Variants in FGF12 observed in about 807,000 individuals in gnomAD.
FGF12 encodes the protein fibroblast growth factor 12.
Under a neutral mutation model 23.6 loss-of-function variants are expected in FGF12, and 14 were observed. The ratio of observed to expected loss-of-function variants is 0.59; its 90% CI spans 0.39 to 0.93. FGF12 has a LOEUF of 0.93. FGF12 is among the 40% of genes least tolerant of loss of function. The pLI, the probability that FGF12 is intolerant of heterozygous loss-of-function variation, is 0.00. For synonymous variants in FGF12, 62 were observed against 77.3 expected (o/e 0.80, Z 1.04); for missense variants, 175 against 217.8 (o/e 0.80, Z 1.24).
chr3:192,715,822 C>T (rs754037876), intron 2 of FGF12, among the ~76,000 whole-genome samples: 4 of 152,164 alleles, frequency 2.6e-5, no homozygotes, highest in Non-Finnish European at 4.4e-5. Context: ...TCATGTCTAG[C>T]CCCAGTAACA....
chr3:192,290,182 T>C (rs1714680552), intron 4 of FGF12, among the ~76,000 whole-genome samples: 1 of 152,180 alleles, frequency 6.6e-6, no homozygotes, highest in Non-Finnish European at 1.5e-5. Context: ...ATTACTACGA[T>C]AGTAAACTTC....
chr3:192,659,622 C>T (rs1319890450), intron 2 of FGF12, among the ~76,000 whole-genome samples: 1 of 152,120 alleles, frequency 6.6e-6, no homozygotes, highest in Non-Finnish European at 1.5e-5. Flanking sequence ...TAGTGGATTA[C>T]CCTTATAGAA....
intron 2 of FGF12, among the ~76,000 whole-genome samples, chr3:192,376,340 TTTTATTTA>T (rs146551278): frequency 1.3e-5 from 2 of 149,380 alleles, no homozygotes; most frequent in Non-Finnish European, 3.0e-5. Context: ...ATTAATTTAA[TTTTATTTA>T]TTTATTTATT....
chr3:192,405,285 C>T (rs1411666343), intron 2 of FGF12, among the ~76,000 whole-genome samples: 1 of 151,072 alleles, frequency 6.6e-6, no homozygotes, highest in African/African-American at 2.5e-5. Context: ...TTTCAGGATC[C>T]CCACTGTATT....
chr3:192,253,576 T>G (rs1712177912), intron 4 of FGF12, among the ~76,000 whole-genome samples: 2 of 152,096 alleles, frequency 1.3e-5, no homozygotes, highest in Non-Finnish European at 2.9e-5. Flanking sequence ...TGTCCAGAAT[T>G]ACAGAATTAT....
chr3:192,515,322 C>T (rs1724632568), intron 2 of FGF12: 1 of 152,372 alleles, frequency 6.6e-6, no homozygotes, highest in Non-Finnish European at 1.5e-5. Context: ...AGGGCTGGAC[C>T]CCGGAGGCTG....
intron 4 of FGF12, among the ~76,000 whole-genome samples, chr3:192,200,395 G>A (rs1717304090): frequency 6.6e-6 from 1 of 151,890 alleles, no homozygotes; most frequent in African/African-American, 2.4e-5. Context: ...ATAATAAAAT[G>A]AGAATGCCAA....
intron 4 of FGF12, among the ~76,000 whole-genome samples, chr3:192,209,743 A>G (rs1028657921): frequency 6.6e-6 from 1 of 152,256 alleles, no homozygotes; most frequent in African/African-American, 2.4e-5. Context: ...GTAATAAAGC[A>G]GAAGGACTTC....
intron 2 of FGF12, among the ~76,000 whole-genome samples, chr3:192,615,823 T>C (rs1172798826): frequency 6.6e-6 from 1 of 152,034 alleles, no homozygotes; most frequent in African/African-American, 2.4e-5. Flanking sequence ...TGGAAATTTA[T>C]GCCAGGTGAT....
intron 4 of FGF12, among the ~76,000 whole-genome samples, chr3:192,282,376 C>A (rs998935176): frequency 6.6e-6 from 1 of 152,032 alleles, no homozygotes; most frequent in Non-Finnish European, 1.5e-5. Context: ...ACACAACATG[C>A]CCCCTTATTA....
At chr3:192,330,919 G>A (rs1717080984) in intron 4 of FGF12, among the ~76,000 whole-genome samples, 1 of 151,994 alleles carries the variant, frequency 6.6e-6, no homozygotes, top group Admixed American at 6.6e-5. Flanking sequence ...TGAGAAGGTA[G>A]CCTACAGAAT....
chr3:192,692,709 CTA>C (rs1717981575), intron 2 of FGF12, among the ~76,000 whole-genome samples: 1 of 126,068 alleles, frequency 7.9e-6, no homozygotes. Context: ...CAGACCCTGT[CTA>C]AAAAAAAAAA....
Position 192,408,083 on chromosome 3 carries a change from C to G in FGF12, c.14-47545G>C. The G allele has an allele frequency of 6.2e-7, 1 of 1,613,200 alleles. No individual in the cohort carries two copies. The highest frequency in any genetic ancestry group is 1.1e-5 in the South Asian group (1 of 91,078). On this transcript the variant is annotated intron_variant, in intron 2 of 5. Transcript: ENST00000445105. The surrounding 1 kb of genome is among the most constrained non-coding windows in gnomAD (Gnocchi z 7.3). ...TGCAGAAGCGCACTTTGCTGAACAC[C>G]CCGAGGACGTGCCTCTCGCACAGGG...
intron 2 of FGF12, among the ~76,000 whole-genome samples, chr3:192,400,091 A>C (rs1720694225): frequency 6.6e-6 from 1 of 152,164 alleles, no homozygotes; most frequent in Non-Finnish European, 1.5e-5. Context: ...CAAATGCAAA[A>C]CCATCAGTCC....
Position 192,264,177 on chromosome 3 carries a change from C to T in FGF12, c.228+71184G>A, listed in dbSNP as rs185485945. ...TATTCCGATTTGTTTTCATATATCACCATAACTATATAGCACATCCAGAAA... is the reference window on the plus strand; with the variant it reads ...TATTCCGATTTGTTTTCATATATCATCATAACTATATAGCACATCCAGAAA... On this transcript the variant is annotated intron_variant, in intron 4 of 5. Coordinates refer to ENST00000445105, the MANE Select transcript of FGF12 (RefSeq NM_004113.6). Among the ~76,000 whole-genome samples, 452 of 152,094 alleles carry T rather than the reference C, an allele frequency of 3.0e-3. 4 individuals are homozygous for T. The highest frequency in any genetic ancestry group is 0.017 in the Middle Eastern group (5 of 294).
chr3:192,391,807 ATG>A (rs1720303479), intron 2 of FGF12, among the ~76,000 whole-genome samples: 1 of 152,230 alleles, frequency 6.6e-6, no homozygotes. Flanking sequence ...TTTCTCTGAC[ATG>A]TCAGTTTTTC....
At chr3:192,466,078 C>G (rs564544113) in intron 2 of FGF12, among the ~76,000 whole-genome samples, 2 of 152,194 alleles carry the variant, frequency 1.3e-5, no homozygotes, top group African/African-American at 2.4e-5. Context: ...CTCCTACATA[C>G]CTAGGCTATG....
At chr3:192,414,731 C>A (rs977638476) in intron 2 of FGF12, among the ~76,000 whole-genome samples, 1 of 152,152 alleles carries the variant, frequency 6.6e-6, no homozygotes. Flanking sequence ...GACTACTGCC[C>A]TAACTAAAGT....
chr3:192,287,535 G>C (rs1444778013), intron 4 of FGF12, among the ~76,000 whole-genome samples: 1 of 152,014 alleles, frequency 6.6e-6, no homozygotes. Context: ...CCGAAAGCTA[G>C]CACAGATGAG....
Sources: gnomAD v4.1 joint callset for allele counts (sites outside exome capture counted in the v4.1 genomes callset) on GRCh38, gnomAD v4.1.1 for gene constraint, Gnocchi (gnomAD v3.1) non-coding constraint, MANE v1.5 for transcripts, NCBI Gene and HGNC (gene_info 2026-07-23, HGNC 2026-07-21) for gene names.